Variants in SOX6 observed in about 807,000 individuals in gnomAD.
SOX6 encodes transcription factor SOX-6.
A neutral mutation model predicts 97.8 loss-of-function variants in SOX6; 11 were observed. The observed-to-expected ratio is 0.11, with a 90% CI of 0.07 to 0.19. The LOEUF is 0.19. Among genes scored for constraint, SOX6 ranks in the 10% least tolerant of loss-of-function variants. The pLI, the probability that SOX6 is intolerant of heterozygous loss-of-function variation, is 1.00. For synonymous variants in SOX6, 360 were observed against 371.4 expected (o/e 0.97, Z 0.35); for missense variants, 810 against 1,039.5 (o/e 0.78, Z 3.04).
intron 6 of SOX6, 115 bp from the exon 7 acceptor site, chr11:16,112,038 C>T: frequency 7.8e-7 from 1 of 1,282,856 alleles, no homozygotes; most frequent in Non-Finnish European, 1.1e-6. Flanking sequence ...CCTCTAACCT[C>T]ATTCCAAATC....
At chr11:16,566,937 T>C (rs7122236) in intron 4 of SOX6, among the ~76,000 whole-genome samples, 16,045 of 152,284 alleles carry the variant, frequency 0.11, 911 homozygotes, top group Non-Finnish European at 0.14. Flanking sequence ...TGTCCATCAA[T>C]AGATGAATGG....
intron 3 of SOX6, among the ~76,000 whole-genome samples, chr11:16,243,781 T>G (rs1442184345): frequency 6.6e-6 from 1 of 151,954 alleles, no homozygotes; most frequent in Non-Finnish European, 1.5e-5. Context: ...ATATTCTTTT[T>G]TGGATATGGA....
At chr11:16,642,448 A>T (rs1289283427) in intron 3 of SOX6, among the ~76,000 whole-genome samples, 1 of 151,860 alleles carries the variant, frequency 6.6e-6, no homozygotes, top group African/African-American at 2.4e-5. Context: ...TATTTCCTGA[A>T]TTTGAATGTT....
At chr11:16,573,706 C>G (rs142573433) in intron 4 of SOX6, among the ~76,000 whole-genome samples, 4 of 152,254 alleles carry the variant, frequency 2.6e-5, no homozygotes, top group South Asian at 2.1e-4. Context: ...AACCTATTAA[C>G]CAATTGAAAA....
upstream of SOX6, among the ~76,000 whole-genome samples, chr11:16,478,147 C>A (rs1860287309): frequency 6.6e-6 from 1 of 152,152 alleles, no homozygotes; most frequent in Admixed American, 6.5e-5. Flanking sequence ...AATTTTATAG[C>A]AAAATGCTGT....
At chr11:16,723,351 G>C (rs1170791909) in intron 2 of SOX6, among the ~76,000 whole-genome samples, 1 of 152,138 alleles carries the variant, frequency 6.6e-6, no homozygotes, top group African/African-American at 2.4e-5. Context: ...GGAGGAGCAA[G>C]AGGAGCCGAG....
Position 15,989,064 on chromosome 11 carries a change from C to T in SOX6, c.1899G>A (p.Lys633=). The T allele has an allele frequency of 6.2e-7, 1 of 1,614,208 alleles. No homozygotes were observed. The highest frequency in any genetic ancestry group is 8.5e-7 in the Non-Finnish European group (1 of 1,180,024). Residue 633 remains lysine (K), a synonymous_variant, in exon 14 of 16, where the codon AAG becomes AAA. Coordinates refer to ENST00000683767, the MANE Select transcript of SOX6 (RefSeq NM_001367873.1). Reference sequence around the variant, plus strand: ...CCTGAAGGATTTTTCTCCTCTCATCCTTTGCCCAAACCATGAATGCATTCA... The same window carrying T: ...CCTGAAGGATTTTTCTCCTCTCATCTTTTGCCCAAACCATGAATGCATTCA... The part of the protein sequence containing the change: ...RPMNAFMVWA[K]DERRKILQAF...
At chr11:16,211,746 C>G (rs978711156) in intron 4 of SOX6, among the ~76,000 whole-genome samples, 4 of 152,060 alleles carry the variant, frequency 2.6e-5, no homozygotes, top group African/African-American at 9.7e-5. Flanking sequence ...TTGGTTGAAC[C>G]CAACTGGAAG....
intron 3 of SOX6, among the ~76,000 whole-genome samples, chr11:16,654,745 T>TA (rs1358472343): frequency 2.0e-5 from 3 of 152,262 alleles, no homozygotes; most frequent in African/African-American, 7.2e-5. Flanking sequence ...TAGCATCTAT[T>TA]ATCATTGCTA....
intron 3 of SOX6, among the ~76,000 whole-genome samples, chr11:16,253,085 C>T (rs530290418): frequency 6.6e-6 from 1 of 152,276 alleles, no homozygotes; most frequent in East Asian, 1.9e-4. Context: ...CGGTGGCTCA[C>T]ACCTGTAATC....
rs1284575470 is a variant in SOX6, at chr11:16,566,045, G to A, written n.609+46036C>T. On this transcript the variant is annotated intron_variant and non_coding_transcript_variant, in intron 4 of 5. Transcript: ENST00000524520. ...CAGGAGGTGGAGCTTGCAGTGAGCCGAGATCGGGCCACTGCACTCCAGCCT... is the reference window on the plus strand; with the variant it reads ...CAGGAGGTGGAGCTTGCAGTGAGCCAAGATCGGGCCACTGCACTCCAGCCT... Among the ~76,000 whole-genome samples, 4 of 148,628 alleles carry A rather than the reference G, an allele frequency of 2.7e-5. No individual in the cohort carries two copies. In the East Asian group the frequency reaches 8.0e-4, roughly 30 times the overall value.
chr11:16,550,674 T>C (rs1356795578), intron 4 of SOX6, among the ~76,000 whole-genome samples: 1 of 152,120 alleles, frequency 6.6e-6, no homozygotes, highest in Non-Finnish European at 1.5e-5. Context: ...GTGGGTTTTC[T>C]GACTTATGGC....
chr11:16,084,785 A>G (rs1202240691), intron 9 of SOX6, among the ~76,000 whole-genome samples: 1 of 152,198 alleles, frequency 6.6e-6, no homozygotes, highest in East Asian at 1.9e-4. Context: ...GATGATATAT[A>G]GTCATCTTTC....
rs1852234511 is a variant in SOX6, at chr11:16,211,569, C to T, written c.535+23013G>A. On this transcript the variant is annotated intron_variant, in intron 4 of 15. Coordinates refer to ENST00000683767, the MANE Select transcript of SOX6 (RefSeq NM_001367873.1). ...GGATGAAGCTGTCATTATACCCAGG[C>T]TTCTAGGGTAAGGTGAGAGAATGGT... Among the ~76,000 whole-genome samples the T allele has an allele frequency of 2.6e-5, 4 of 152,068 alleles. 1 individual carries two copies. The South Asian group carries it at 8.3e-4, about 31-fold the overall frequency.
At chr11:16,284,773 C>T (rs1051890065) in intron 3 of SOX6, among the ~76,000 whole-genome samples, 4 of 152,228 alleles carry the variant, frequency 2.6e-5, no homozygotes, top group Non-Finnish European at 2.9e-5. Context: ...CAAACCCACC[C>T]GCTACTATTT....
intron 3 of SOX6, among the ~76,000 whole-genome samples, chr11:16,642,977 G>C (rs900028835): frequency 6.6e-6 from 1 of 152,214 alleles, no homozygotes; most frequent in African/African-American, 2.4e-5. Flanking sequence ...TCCTTTGGAG[G>C]AGAAGAGGTG....
intron 3 of SOX6, among the ~76,000 whole-genome samples, chr11:16,684,119 A>T (rs971794247): frequency 2.0e-5 from 3 of 152,208 alleles, no homozygotes; most frequent in African/African-American, 7.2e-5. Flanking sequence ...AGAAATAGGG[A>T]AGCTTTTACA....
chr11:16,459,179 C>T (rs186034710), intron 1 of SOX6, among the ~76,000 whole-genome samples: 102 of 152,032 alleles, frequency 6.7e-4, no homozygotes, highest in Non-Finnish European at 1.3e-3. Flanking sequence ...ATACAAGGAA[C>T]GCTGATCAGA....
At chr11:16,310,609 C>T (rs1855572454) in intron 3 of SOX6, among the ~76,000 whole-genome samples, 1 of 151,954 alleles carries the variant, frequency 6.6e-6, no homozygotes, top group African/African-American at 2.4e-5. Flanking sequence ...TCTGAATACC[C>T]AATTGCTTCT....
Sources: allele counts gnomAD v4.1 joint callset (sites outside exome capture counted in the v4.1 genomes callset), GRCh38; gene constraint gnomAD v4.1.1; transcripts MANE v1.5; gene names NCBI Gene and HGNC (gene_info 2026-07-23, HGNC 2026-07-21).